ASZ1: variants seen among roughly 807,000 people sequenced by gnomAD.
ASZ1 encodes ankyrin repeat, SAM and basic leucine zipper domain containing 1.
A neutral mutation model predicts 61.8 loss-of-function variants in ASZ1; 67 were observed. The observed-to-expected ratio is 1.08, with a 90% confidence interval of 0.89 to 1.33. ASZ1 has a LOEUF of 1.33. ASZ1 is among the 40% of genes most tolerant of loss of function. The pLI is 0.00. For synonymous variants in ASZ1, 193 were observed against 192.7 expected (o/e 1.00, Z -0.01); for missense variants, 577 against 554.5 (o/e 1.04, Z -0.41).
chr7:117,363,434 G>A lies in ASZ1; in HGVS notation c.*162C>T, dbSNP rs1181347705. On this transcript the variant is annotated 3_prime_UTR_variant, in exon 13 of 13. Transcript: ENST00000284629. Reference sequence around the variant, plus strand: ...TAACAAATTGTATTTATAAGTCAAAGTAACAAACCACTTTTTAAAAAAAAA... The same window carrying A: ...TAACAAATTGTATTTATAAGTCAAAATAACAAACCACTTTTTAAAAAAAAA... 2.1e-6 allele frequency: 1 copy of A among 480,552 alleles called. No individual in the cohort carries two copies. The highest frequency in any genetic ancestry group is 2.0e-5 in the African/African-American group (1 of 49,744). The allele number at this position is 480,552 out of a possible 1,614,324, so 29.8% of individuals were successfully genotyped here.
intron 4 of ASZ1, among the ~76,000 whole-genome samples, chr7:117,407,404 G>A (rs1277149590): frequency 2.0e-5 from 3 of 150,752 alleles, no homozygotes; most frequent in African/African-American, 7.3e-5. Context: ...GATAGAACAC[G>A]GAAGTAAAAA....
intron 4 of ASZ1, among the ~76,000 whole-genome samples, chr7:117,394,658 T>C (rs1283976726): frequency 6.6e-6 from 1 of 152,186 alleles, no homozygotes; most frequent in Admixed American, 6.5e-5. Flanking sequence ...GAATTATTAT[T>C]TGACAGATGT....
At chr7:117,377,461 G>A (rs1796158606) in intron 10 of ASZ1, among the ~76,000 whole-genome samples, 1 of 152,082 alleles carries the variant, frequency 6.6e-6, no homozygotes, top group Non-Finnish European at 1.5e-5. Flanking sequence ...CCAGGAATTC[G>A]AGGTTGCAGT....
intron 4 of ASZ1, among the ~76,000 whole-genome samples, chr7:117,387,215 G>C (rs957888709): frequency 2.0e-5 from 3 of 151,552 alleles, no homozygotes; most frequent in Non-Finnish European, 2.9e-5. Flanking sequence ...TTCAGAGGTG[G>C]GAGAATCACC....
At chr7:117,384,066 T>C (rs1250280553) in intron 6 of ASZ1, among the ~76,000 whole-genome samples, 1 of 152,110 alleles carries the variant, frequency 6.6e-6, no homozygotes, top group Non-Finnish European at 1.5e-5. Context: ...GGGAACTCAG[T>C]GTTACAAACT....
intron 4 of ASZ1, among the ~76,000 whole-genome samples, chr7:117,413,118 A>T (rs1173461124): frequency 2.0e-5 from 3 of 151,976 alleles, no homozygotes; most frequent in Non-Finnish European, 4.4e-5. Context: ...CCAAAGATAC[A>T]GGAAGTTTAA....
chr7:117,426,004 C>A (rs1349452144), intron 2 of ASZ1, among the ~76,000 whole-genome samples: 1 of 151,772 alleles, frequency 6.6e-6, no homozygotes, highest in Non-Finnish European at 1.5e-5. Context: ...CTTCCTTCAA[C>A]CCCCCAAAAA....
intron 8 of ASZ1, among the ~76,000 whole-genome samples, chr7:117,381,504 C>T (rs1016345911): frequency 2.6e-5 from 4 of 152,052 alleles, no homozygotes; most frequent in Non-Finnish European, 5.9e-5. Flanking sequence ...TGTGCACACT[C>T]CCAAGAAGAG....
chr7:117,386,531 A>G (rs913201934), intron 4 of ASZ1, among the ~76,000 whole-genome samples: 1 of 152,162 alleles, frequency 6.6e-6, no homozygotes, highest in Non-Finnish European at 1.5e-5. Context: ...TATCAGCTCT[A>G]CTTGGGCTGA....
chr7:117,426,177 C>A (rs1426042888), intron 2 of ASZ1, among the ~76,000 whole-genome samples: 1 of 151,424 alleles, frequency 6.6e-6, no homozygotes, highest in South Asian at 2.1e-4. Flanking sequence ...AATGTAGAAC[C>A]ATTTCTTAAG....
chr7:117,419,994 G>C (rs1170400645), intron 4 of ASZ1, among the ~76,000 whole-genome samples, 169 bp downstream of exon 4: 1 of 152,112 alleles, frequency 6.6e-6, no homozygotes, highest in African/African-American at 2.4e-5. Flanking sequence ...CTACTTTCAT[G>C]ATATCCCCTT....
intron 4 of ASZ1, among the ~76,000 whole-genome samples, chr7:117,386,350 T>G (rs972753674): frequency 1.3e-5 from 2 of 152,200 alleles, no homozygotes; most frequent in African/African-American, 4.8e-5. Context: ...TATATATAAT[T>G]AGAAAAGAGA....
intron 10 of ASZ1, among the ~76,000 whole-genome samples, chr7:117,373,770 C>T (rs1252929945): frequency 6.6e-6 from 1 of 152,098 alleles, no homozygotes; most frequent in African/African-American, 2.4e-5. Flanking sequence ...GGATTCTGCA[C>T]ATTCTTTACA....
chr7:117,396,748 T>C (rs1396150893), intron 4 of ASZ1, among the ~76,000 whole-genome samples: 1 of 152,204 alleles, frequency 6.6e-6, no homozygotes, highest in African/African-American at 2.4e-5. Flanking sequence ...TGGATCTTTG[T>C]TAAATTGGAT....
intron 4 of ASZ1, among the ~76,000 whole-genome samples, chr7:117,418,652 CA>C (rs5886857): frequency 0.16 from 21,754 of 139,468 alleles, 3,808 homozygotes; most frequent in African/African-American, 0.44. Flanking sequence ...GACTCCATCT[CA>C]AAAAAAAAAA....
intron 10 of ASZ1, among the ~76,000 whole-genome samples, chr7:117,375,639 C>T (rs1056615138): frequency 3.3e-5 from 5 of 151,976 alleles, no homozygotes; most frequent in African/African-American, 1.2e-4. Context: ...TATTCTCTGA[C>T]CACAACAGAA....
intron 1 of ASZ1, 82 bp from the exon 2 acceptor site, chr7:117,427,017 A>G: frequency 7.4e-7 from 1 of 1,356,958 alleles, no homozygotes; most frequent in Non-Finnish European, 1.0e-6. Flanking sequence ...TGTTTGGTTA[A>G]GTACACAGGT....
At chr7:117,420,048 A>G in intron 4 of ASZ1, 115 bp downstream of exon 4, 3 of 662,928 alleles carry the variant, frequency 4.5e-6, no homozygotes, top group Non-Finnish European at 7.5e-6. Flanking sequence ...CTTATGAACT[A>G]TTTTCATTCA....
rs373634803 is a variant in ASZ1 at position 117,382,980 on chromosome 7, T to C, written c.812+6A>G. 1.9e-5 allele frequency: 29 copies of C among 1,560,784 alleles called. No individual in the cohort carries two copies. Among genetic ancestry groups the C allele is most frequent in the Non-Finnish European group, 2.5e-5 (29 of 1,156,528 alleles). On this transcript the variant is annotated splice_donor_region_variant and intron_variant, in intron 7 of 12. Transcript: ENST00000284629. ...TATTCTGTTGAACTAAAACATGCTATATTACCTAAAAATGTGATCTTTTTC... is the reference window on the plus strand; with the variant it reads ...TATTCTGTTGAACTAAAACATGCTACATTACCTAAAAATGTGATCTTTTTC...
Sources: gnomAD v4.1 joint callset for allele counts (sites outside exome capture counted in the v4.1 genomes callset) on GRCh38, gnomAD v4.1.1 for gene constraint, MANE v1.5 for transcripts, NCBI Gene and HGNC (gene_info 2026-07-23, HGNC 2026-07-21) for gene names.